CSMD1: variants seen among roughly 807,000 people sequenced by gnomAD.
CSMD1 encodes CUB and Sushi multiple domains 1.
CSMD1 carries 213 observed loss-of-function variants against 417.5 expected under a neutral mutation model. The observed-to-expected ratio is 0.51, with a 90% CI of 0.46 to 0.57. CSMD1 has a LOEUF of 0.57. Ranked by LOEUF, CSMD1 falls within the 20% of genes least tolerant of loss-of-function variation. CSMD1 has a pLI of 0.00. For synonymous variants in CSMD1, 2,862 were observed against 1,736.8 expected (o/e 1.65, Z -16.11); for missense variants, 6,923 against 4,529.7 (o/e 1.53, Z -15.17).
intron 1 of CSMD1, among the ~76,000 whole-genome samples, chr8:4,751,050 C>G (rs1238405846): frequency 6.6e-6 from 1 of 152,146 alleles, no homozygotes; most frequent in Admixed American, 6.5e-5. Context: ...CAGGAGGTTC[C>G]TCACACCAGG....
At chr8:4,553,421 T>A (rs1797954849) in intron 2 of CSMD1, among the ~76,000 whole-genome samples, 1 of 151,770 alleles carries the variant, frequency 6.6e-6, no homozygotes, top group Admixed American at 6.6e-5. Context: ...CTGACAGGCA[T>A]TTATAAACTG....
rs561881838 is a variant in CSMD1 at position 2,967,324 on chromosome 8, A to T, written c.8924-578T>A. ...CTCAATAATTACCAGCTCTAATAGC[A>T]GCTGTGTTAATTGGCTTTGACATGA... On this transcript the variant is annotated intron_variant, in intron 57 of 69. Coordinates refer to ENST00000635120, the MANE Select transcript of CSMD1 (RefSeq NM_033225.6). 8.5e-5 allele frequency among the ~76,000 whole-genome samples: 13 copies of T among 152,212 alleles called. 1 individual carries two copies. In the East Asian group the frequency reaches 2.5e-3, roughly 29 times the overall value.
At chr8:3,386,199 C>T (rs544670398) in intron 18 of CSMD1, among the ~76,000 whole-genome samples, 7 of 152,166 alleles carry the variant, frequency 4.6e-5, no homozygotes, top group South Asian at 2.1e-4. Context: ...AAAAAAGGAA[C>T]CCTTTTGCAT....
intron 17 of CSMD1, among the ~76,000 whole-genome samples, chr8:3,395,681 T>A (rs1250689438): frequency 6.6e-6 from 1 of 152,204 alleles, no homozygotes; most frequent in East Asian, 1.9e-4. Flanking sequence ...AACAATTGTT[T>A]GGAATTTGGT....
At chr8:3,370,245 G>C (rs1429574217) in intron 18 of CSMD1, among the ~76,000 whole-genome samples, 1 of 152,144 alleles carries the variant, frequency 6.6e-6, no homozygotes, top group Non-Finnish European at 1.5e-5. Flanking sequence ...CATATCTTAA[G>C]ACCTCTCAAG....
chr8:3,850,499 G>A (rs571994905), intron 5 of CSMD1, among the ~76,000 whole-genome samples: 4 of 152,154 alleles, frequency 2.6e-5, no homozygotes, highest in Non-Finnish European at 4.4e-5. Context: ...GTTCAAGACC[G>A]GCTTGGCCAA....
chr8:3,283,564 T>G (rs1269212743), intron 26 of CSMD1, among the ~76,000 whole-genome samples: 2 of 152,186 alleles, frequency 1.3e-5, no homozygotes, highest in Admixed American at 1.3e-4. Flanking sequence ...ATATGCAGTT[T>G]TGAGGAAACT....
At chr8:4,211,511 T>A (rs571579983) in intron 3 of CSMD1, among the ~76,000 whole-genome samples, 2 of 152,224 alleles carry the variant, frequency 1.3e-5, no homozygotes, top group African/African-American at 4.8e-5. Context: ...AATGTATTTA[T>A]TTTCAGTTTT....
intron 3 of CSMD1, among the ~76,000 whole-genome samples, chr8:4,081,908 G>A (rs914409636): frequency 3.3e-5 from 5 of 152,086 alleles, no homozygotes; most frequent in African/African-American, 4.8e-5. Flanking sequence ...AGTGCTCATG[G>A]GGGAGTGTGT....
At chr8:3,768,242 G>C (rs1349630911) in intron 5 of CSMD1, among the ~76,000 whole-genome samples, 2 of 152,156 alleles carry the variant, frequency 1.3e-5, no homozygotes, top group Non-Finnish European at 1.5e-5. Context: ...ATGGCAACAA[G>C]GCGGAGACGT....
At chr8:3,575,847 T>C (rs1017486092) in intron 9 of CSMD1, among the ~76,000 whole-genome samples, 3 of 67,984 alleles carry the variant, frequency 4.4e-5, no homozygotes, top group Non-Finnish European at 1.3e-4. Flanking sequence ...GAAAGGAGTT[T>C]TTTTTTTTTT....
intron 1 of CSMD1, among the ~76,000 whole-genome samples, chr8:4,668,683 C>G (rs1805107313): frequency 1.3e-5 from 2 of 151,858 alleles, no homozygotes; most frequent in South Asian, 4.2e-4. Context: ...ATTTCCTGAC[C>G]TAGTGATCTC....
chr8:3,237,236 G>A (rs534375002), intron 26 of CSMD1, among the ~76,000 whole-genome samples: 6 of 133,292 alleles, frequency 4.5e-5, no homozygotes, highest in Admixed American at 2.2e-4. Flanking sequence ...GGGAGGCCGA[G>A]GCGAGTGGAT....
intron 3 of CSMD1, among the ~76,000 whole-genome samples, chr8:4,163,099 T>C (rs1303240634): frequency 2.6e-5 from 4 of 152,222 alleles, no homozygotes; most frequent in Admixed American, 6.5e-5. Context: ...TAATATTCCA[T>C]TGTCTGATAC....
Position 3,453,391 on chromosome 8 carries a change from T to A in CSMD1, c.1561+15321A>T, listed in dbSNP as rs963968208. ...TTTGCTCTTGCTTCTCTGGTTTTTT[T>A]AATTGTGATGTTAGGATGTCAATTT... On this transcript the variant is annotated intron_variant, in intron 12 of 69. Coordinates refer to ENST00000635120, the MANE Select transcript of CSMD1 (RefSeq NM_033225.6). Among the ~76,000 whole-genome samples, 5 of 152,320 alleles carry A rather than the reference T, an allele frequency of 3.3e-5. No individual in the cohort carries two copies. In the South Asian group the frequency reaches 8.3e-4, roughly 25 times the overall value.
At chr8:4,422,125 C>T (rs1215432673) in intron 2 of CSMD1, among the ~76,000 whole-genome samples, 1 of 152,098 alleles carries the variant, frequency 6.6e-6, no homozygotes, top group East Asian at 1.9e-4. Context: ...TATCCTATAG[C>T]TATTAAAACT....
chr8:4,975,795 T>C (rs1182248469), intron 1 of CSMD1, among the ~76,000 whole-genome samples: 1 of 152,128 alleles, frequency 6.6e-6, no homozygotes, highest in African/African-American at 2.4e-5. Context: ...GGAGGAGTCA[T>C]GAATAGTGTA....
intron 2 of CSMD1, among the ~76,000 whole-genome samples, chr8:4,492,001 G>A (rs1425212728): frequency 6.6e-6 from 1 of 150,768 alleles, no homozygotes; most frequent in Non-Finnish European, 1.5e-5. Flanking sequence ...GATAAACTAT[G>A]GTACATCCAC....
intron 49 of CSMD1, among the ~76,000 whole-genome samples, chr8:3,078,210 G>A (rs966735574): frequency 6.6e-6 from 1 of 152,150 alleles, no homozygotes; most frequent in Non-Finnish European, 1.5e-5. Context: ...TGTGCAGAAA[G>A]GTCAAGGTCT....
Sources: gnomAD v4.1 joint callset for allele counts (sites outside exome capture counted in the v4.1 genomes callset) on GRCh38, gnomAD v4.1.1 for gene constraint, MANE v1.5 for transcripts, NCBI Gene and HGNC (gene_info 2026-07-23, HGNC 2026-07-21) for gene names.